Variants in RANBP17 observed in about 807,000 individuals in gnomAD.
The protein encoded by RANBP17 is ran-binding protein 17.
In RANBP17, 158 loss-of-function variants were observed where a neutral mutation model predicts 141.2. The ratio of observed to expected loss-of-function variants is 1.12; its 90% CI spans 0.98 to 1.28. RANBP17 has a LOEUF of 1.28. Among genes scored for constraint, RANBP17 ranks in the 50% most tolerant of loss-of-function variants. RANBP17 has a pLI of 0.00. For synonymous variants in RANBP17, 430 were observed against 450.0 expected (o/e 0.96, Z 0.56); for missense variants, 1,438 against 1,290.7 (o/e 1.11, Z -1.75).
At chr5:171,091,184 G>C (rs1786237219) in intron 14 of RANBP17, among the ~76,000 whole-genome samples, 1 of 152,324 alleles carries the variant, frequency 6.6e-6, no homozygotes, top group South Asian at 2.1e-4. Context: ...AGCCACAGAG[G>C]TGGAGCTGCC....
chr5:170,943,682 T>C (rs952770072), intron 12 of RANBP17, among the ~76,000 whole-genome samples: 1 of 152,188 alleles, frequency 6.6e-6, no homozygotes, highest in African/African-American at 2.4e-5. Context: ...GATTTTTTTC[T>C]CTAAATGCAA....
intron 14 of RANBP17, among the ~76,000 whole-genome samples, chr5:171,052,387 G>C (rs1245741935): frequency 6.6e-6 from 1 of 151,910 alleles, no homozygotes; most frequent in African/African-American, 2.4e-5. Context: ...TTTAGCTCTT[G>C]TATTTTGTAT....
intron 5 of RANBP17, among the ~76,000 whole-genome samples, chr5:170,906,462 A>T (rs182027360): frequency 6.6e-6 from 1 of 152,038 alleles, no homozygotes; most frequent in East Asian, 1.9e-4. Context: ...CTTGCCTCCT[A>T]TCAGGAAGCA....
At chr5:171,077,304 C>T (rs1204557638) in intron 14 of RANBP17, among the ~76,000 whole-genome samples, 1 of 151,738 alleles carries the variant, frequency 6.6e-6, no homozygotes, top group Non-Finnish European at 1.5e-5. Context: ...CACGCCACTG[C>T]ACTCCAGCCT....
intron 1 of RANBP17, among the ~76,000 whole-genome samples, chr5:170,870,182 C>A (rs1205069162): frequency 6.6e-6 from 1 of 151,936 alleles, no homozygotes; most frequent in Non-Finnish European, 1.5e-5. Flanking sequence ...GAAAAAGGGA[C>A]CCCTTTTTAT....
intron 14 of RANBP17, among the ~76,000 whole-genome samples, chr5:171,155,094 A>AAAAATATAT (rs34090443): frequency 4.0e-5 from 3 of 74,986 alleles, no homozygotes; most frequent in African/African-American, 1.6e-4. Flanking sequence ...AAAAAAAAAA[A>AAAAATATAT]ATATATATAT....
intron 11 of RANBP17, among the ~76,000 whole-genome samples, chr5:170,924,067 A>T (rs1478347355): frequency 3.3e-5 from 5 of 150,338 alleles, no homozygotes; most frequent in South Asian, 2.1e-4. Flanking sequence ...GCGCAATCTT[A>T]GCTCACTGCA....
At chr5:170,911,467 A>G (rs955503698) in intron 7 of RANBP17, 9 of 679,914 alleles carry the variant, frequency 1.3e-5, no homozygotes, top group African/African-American at 1.2e-4. Flanking sequence ...TCTGTTTATG[A>G]TCATTTTCAG....
At chr5:171,180,780 G>C (rs1483592516) in intron 16 of RANBP17, among the ~76,000 whole-genome samples, 1 of 152,060 alleles carries the variant, frequency 6.6e-6, no homozygotes, top group Admixed American at 6.5e-5. Context: ...AAGGCAGTGA[G>C]GCTGGCCTTG....
chr5:170,977,492 T>C (rs572251220), intron 14 of RANBP17, among the ~76,000 whole-genome samples: 3 of 152,076 alleles, frequency 2.0e-5, no homozygotes, highest in East Asian at 1.9e-4. Context: ...TCTACTCTTA[T>C]GTATATATCC....
At chr5:170,983,648 G>A (rs1029444302) in intron 14 of RANBP17, among the ~76,000 whole-genome samples, 3 of 152,160 alleles carry the variant, frequency 2.0e-5, no homozygotes, top group Admixed American at 6.5e-5. Context: ...ATATGGAGAG[G>A]AGTATGTCAG....
intron 3 of RANBP17, among the ~76,000 whole-genome samples, chr5:170,884,462 AAAAG>A (rs1301514012): frequency 2.0e-5 from 3 of 152,188 alleles, no homozygotes; most frequent in Admixed American, 2.0e-4. Flanking sequence ...TTGGAAAATT[AAAAG>A]AAAGATAAAA....
At chr5:171,010,165 G>A (rs1434420196) in intron 14 of RANBP17, among the ~76,000 whole-genome samples, 1 of 152,176 alleles carries the variant, frequency 6.6e-6, no homozygotes, top group African/African-American at 2.4e-5. Context: ...CAGAGGCAAT[G>A]AAGGAACAAT....
chr5:170,901,737 A>G (rs2127403993), intron 5 of RANBP17, among the ~76,000 whole-genome samples: 1 of 152,238 alleles, frequency 6.6e-6, no homozygotes, highest in Middle Eastern at 3.4e-3. Context: ...ATCTCTGAGC[A>G]TTTGCTTGTC....
chr5:171,001,416 G>T (rs556237277), intron 14 of RANBP17, among the ~76,000 whole-genome samples: 2 of 152,238 alleles, frequency 1.3e-5, no homozygotes, highest in South Asian at 4.2e-4. Flanking sequence ...CGTCCAAGGG[G>T]GTTCAATGTT....
At position 170,911,061 on chromosome 5, in the gene RANBP17, C is replaced by T. The variant is rs746785444; in HGVS notation, c.687C>T (p.Asp229=). Residue 229 remains aspartate, a synonymous_variant, in exon 7 of 28, where the codon GAC becomes GAT. Coordinates refer to ENST00000523189, the MANE Select transcript of RANBP17 (RefSeq NM_022897.5). ...TGGTCCTTAACTGCCTTAACTTTGACTTCATTGGCAGTTCAGCAGATGAAT... is the reference window on the plus strand; with the variant it reads ...TGGTCCTTAACTGCCTTAACTTTGATTTCATTGGCAGTTCAGCAGATGAAT... ...LKLVLNCLNF[D]FIGSSADESA... is the part of the protein sequence containing the mutation. 2.5e-6 allele frequency: 4 copies of T among 1,611,856 alleles called. No individual in the cohort carries two copies. The highest frequency in any genetic ancestry group is 1.3e-5 in the African/African-American group (1 of 74,764).
chr5:171,073,209 A>G (rs1474080111), intron 14 of RANBP17, among the ~76,000 whole-genome samples: 1 of 152,128 alleles, frequency 6.6e-6, no homozygotes, highest in Non-Finnish European at 1.5e-5. Context: ...GATGAAATGG[A>G]AACTATAACT....
At chr5:171,240,868 T>A in intron 22 of RANBP17, 60 bp from the exon 23 acceptor site, 1 of 1,084,534 alleles carries the variant, frequency 9.2e-7, no homozygotes, top group East Asian at 2.4e-5. Context: ...AAATAGTGTG[T>A]CCCATAACTA....
At chr5:171,097,431 T>A (rs1413035998) in intron 14 of RANBP17, among the ~76,000 whole-genome samples, 1 of 151,932 alleles carries the variant, frequency 6.6e-6, no homozygotes, top group African/African-American at 2.4e-5. Flanking sequence ...CTATGTAATC[T>A]CTCTAATTAA....
Sources: allele counts gnomAD v4.1 joint callset (sites outside exome capture counted in the v4.1 genomes callset), GRCh38; gene constraint gnomAD v4.1.1; transcripts MANE v1.5; gene names NCBI Gene and HGNC (gene_info 2026-07-23, HGNC 2026-07-21).